The following TMEM26 variants were observed in gnomAD, a reference collection of about 807,000 sequenced individuals.
The protein encoded by TMEM26 is transmembrane protein 26.
In TMEM26, 38 loss-of-function variants were observed where a neutral mutation model predicts 28.8. The observed-to-expected ratio is 1.32, with a 90% CI of 1.02 to 1.73. TMEM26 has a LOEUF of 1.73. Among genes scored for constraint, TMEM26 ranks in the 40% most tolerant of loss-of-function variants. TMEM26 has a pLI of 0.00. For missense variants in TMEM26, 518 were observed against 447.1 expected (o/e 1.16, Z -1.43); for synonymous variants, 227 against 182.9 (o/e 1.24, Z -1.95).
At chr10:61,441,679 T>A (rs1589042527) in intron 1 of TMEM26, among the ~76,000 whole-genome samples, 2 of 152,168 alleles carry the variant, frequency 1.3e-5, no homozygotes, top group South Asian at 4.1e-4. Context: ...TAAAAGCTGA[T>A]AAGTATATGA....
chr10:61,424,164 A>C (rs1839793605), intron 4 of TMEM26, among the ~76,000 whole-genome samples: 1 of 152,212 alleles, frequency 6.6e-6, no homozygotes, highest in Non-Finnish European at 1.5e-5. Context: ...GCAGCATGAT[A>C]CTGTAAGGAG....
At chr10:61,446,546 C>A (rs1008491903) in intron 1 of TMEM26, among the ~76,000 whole-genome samples, 4 of 151,976 alleles carry the variant, frequency 2.6e-5, no homozygotes, top group African/African-American at 9.7e-5. Flanking sequence ...CTGGGCCAGG[C>A]GCGATGGCTC....
intron 4 of TMEM26, among the ~76,000 whole-genome samples, chr10:61,415,873 AC>A (rs1176809302): frequency 6.6e-6 from 1 of 152,042 alleles, no homozygotes; most frequent in East Asian, 1.9e-4. Flanking sequence ...AGTTCAAGAA[AC>A]TAAAAACTAG....
intron 4 of TMEM26, among the ~76,000 whole-genome samples, chr10:61,416,569 C>A (rs1223884691): frequency 6.6e-6 from 1 of 151,924 alleles, no homozygotes; most frequent in African/African-American, 2.4e-5. Flanking sequence ...TATGGTAGAT[C>A]ACTACAAATT....
rs1364466664 is a variant in TMEM26 at position 61,447,092 on chromosome 10, GA to G, written c.191+5798del. On this transcript the variant is annotated intron_variant, in intron 1 of 5. Coordinates refer to ENST00000399298, the MANE Select transcript of TMEM26 (RefSeq NM_178505.8). ...CTTGGACACGAAGTGTGAAGAGGGA[GA>G]GAAATTGTTTATCTTCTGGGAGAAT... 7.2e-5 allele frequency among the ~76,000 whole-genome samples: 11 copies of G among 152,320 alleles called. No homozygotes were observed. The South Asian group carries it at 2.3e-3, about 32-fold the overall frequency.
chr10:61,443,997 C>A (rs1840137800), intron 1 of TMEM26, among the ~76,000 whole-genome samples: 1 of 152,146 alleles, frequency 6.6e-6, no homozygotes, highest in Admixed American at 6.5e-5. Flanking sequence ...CAATTGAAAT[C>A]CTAACTGTCA....
intron 4 of TMEM26, chr10:61,413,790 T>C (rs1267990263): frequency 9.1e-7 from 1 of 1,104,652 alleles, no homozygotes. Flanking sequence ...CATATTGCTG[T>C]CTTTAGTTTT....
intron 1 of TMEM26, among the ~76,000 whole-genome samples, chr10:61,446,502 G>A (rs1397881847): frequency 6.6e-6 from 1 of 152,076 alleles, no homozygotes; most frequent in Non-Finnish European, 1.5e-5. Context: ...TCTATTAAGT[G>A]TGCAATAGTA....
At position 61,416,839 on chromosome 10, in the gene TMEM26, T is replaced by A. The variant is rs540265363; in HGVS notation, c.606-3304A>T. On this transcript the variant is annotated intron_variant, in intron 4 of 5. Transcript: ENST00000399298. Reference sequence around the variant, plus strand: ...GTATATTATTCACCATCCTACAGAATAGGGATAAATGATATACTAACCCTA... The same window carrying A: ...GTATATTATTCACCATCCTACAGAAAAGGGATAAATGATATACTAACCCTA... Among the ~76,000 whole-genome samples the A allele has an allele frequency of 3.9e-5, 6 of 152,172 alleles. No individual in the cohort carries two copies. In the South Asian group the frequency reaches 1.2e-3, roughly 32 times the overall value.
chr10:61,434,472 T>C (rs1839971515), intron 2 of TMEM26, among the ~76,000 whole-genome samples: 1 of 152,192 alleles, frequency 6.6e-6, no homozygotes, highest in African/African-American at 2.4e-5. Flanking sequence ...TAGAATTGGA[T>C]ATGAAAGAAA....
In TMEM26 at chr10:61,450,205, A is replaced by T. The variant is rs146028397; in HGVS notation, c.191+2686T>A. ...GGAAAAAAGGCTTATCTATATATAG[A>T]TTAATGCATATTAATATTTTTCTAT... On this transcript the variant is annotated intron_variant, in intron 1 of 5. Transcript: ENST00000399298. 4.4e-3 allele frequency among the ~76,000 whole-genome samples: 666 copies of T among 152,272 alleles called. 7 individuals carry two copies. The highest frequency in any genetic ancestry group is 0.015 in the African/African-American group (614 of 41,566).
In TMEM26 at chr10:61,421,505, G is replaced by A. The variant is rs185224881; in HGVS notation, c.605+7421C>T. ...TTGGTAGATGTAACCAAGTTAAGATGAGGTCATATGGATTAGGGTGGGCCC... is the reference window on the plus strand; with the variant it reads ...TTGGTAGATGTAACCAAGTTAAGATAAGGTCATATGGATTAGGGTGGGCCC... On this transcript the variant is annotated intron_variant, in intron 4 of 5. Coordinates refer to ENST00000399298, the MANE Select transcript of TMEM26 (RefSeq NM_178505.8). Among the ~76,000 whole-genome samples the A allele has an allele frequency of 3.7e-3, 564 of 152,208 alleles. 2 individuals are homozygous for A. Among genetic ancestry groups the A allele is most frequent in the African/African-American group, 0.013 (540 of 41,540 alleles).
At chr10:61,447,012 A>G (rs1214632299) in intron 1 of TMEM26, among the ~76,000 whole-genome samples, 1 of 152,134 alleles carries the variant, frequency 6.6e-6, no homozygotes, top group Non-Finnish European at 1.5e-5. Flanking sequence ...AATGAGGTAC[A>G]CCTGTAGAAT....
chr10:61,432,652 T>G (rs1038697538), intron 2 of TMEM26, among the ~76,000 whole-genome samples: 8 of 151,922 alleles, frequency 5.3e-5, no homozygotes, highest in Non-Finnish European at 1.0e-4. Flanking sequence ...AGGACTTATT[T>G]TTTTAAAAAA....
intron 5 of TMEM26, chr10:61,413,081 T>C: frequency 1.5e-6 from 1 of 648,704 alleles, no homozygotes; most frequent in Non-Finnish European, 2.3e-6. Context: ...AAACTGTATA[T>C]TACTGAGTCA....
At chr10:61,416,329 T>C (rs903491665) in intron 4 of TMEM26, among the ~76,000 whole-genome samples, 1 of 152,086 alleles carries the variant, frequency 6.6e-6, no homozygotes, top group Admixed American at 6.6e-5. Flanking sequence ...TAACACCAGC[T>C]CCAACTCTCA....
At position 61,429,017 on chromosome 10, in the gene TMEM26, C is replaced by A. The variant is rs1331472280; in HGVS notation, c.514G>T (p.Asp172Tyr). ...ATAAGAAGAAGTTGAGAGAGTTGAT[C>A]TCGAGTGATCCCGCCTCCAATGGGT... ...LLPIGGGITR[D>Y]QLSQLLLMFV... The change falls in exon 4 of 6, where the codon GAT becomes TAT. Residue 172 changes from aspartate to tyrosine, a missense_variant. Coordinates refer to ENST00000399298, the MANE Select transcript of TMEM26 (RefSeq NM_178505.8). 1 of 1,613,206 alleles carries A rather than the reference C, an allele frequency of 6.2e-7. No individual in the cohort carries two copies. Among genetic ancestry groups the A allele is most frequent in the Non-Finnish European group, 8.5e-7 (1 of 1,179,474 alleles).
At chr10:61,433,341 T>C (rs1346279088) in intron 2 of TMEM26, among the ~76,000 whole-genome samples, 1 of 152,140 alleles carries the variant, frequency 6.6e-6, no homozygotes, top group Non-Finnish European at 1.5e-5. Context: ...TTGTATTATT[T>C]TGGGGATTAT....
At chr10:61,419,768 T>A (rs968998485) in intron 4 of TMEM26, among the ~76,000 whole-genome samples, 30 of 151,982 alleles carry the variant, frequency 2.0e-4, no homozygotes, top group Non-Finnish European at 5.9e-5. Context: ...AGAAAATATT[T>A]AGAGAAATAA....
Sources: gnomAD v4.1 joint callset for allele counts (sites outside exome capture counted in the v4.1 genomes callset) on GRCh38, gnomAD v4.1.1 for gene constraint, MANE v1.5 for transcripts, NCBI Gene and HGNC (gene_info 2026-07-23, HGNC 2026-07-21) for gene names.